ZMYM2: variants seen among roughly 807,000 people sequenced by gnomAD.
The protein encoded by ZMYM2 is zinc finger MYM-type containing 2.
ZMYM2 carries 56 observed loss-of-function variants against 162.8 expected under a neutral mutation model. That is an observed-to-expected ratio of 0.34 (90% CI 0.28 to 0.43). ZMYM2 has a LOEUF of 0.43. Among genes scored for constraint, ZMYM2 ranks in the 20% least tolerant of loss-of-function variants. ZMYM2 has a pLI of 1.00. For synonymous variants in ZMYM2, 510 were observed against 541.6 expected (o/e 0.94, Z 0.81); for missense variants, 1,275 against 1,621.8 (o/e 0.79, Z 3.67).
In ZMYM2 at chr13:19,971,153, G is replaced by T. The variant is rs1228695877; in HGVS notation, c.-11+11127G>T. Reference sequence around the variant, plus strand: ...ATACAGGTAAGGGGAAGAATTGTAGGCTTTCTCCTAAGTATACTGAAAAGC... The same window carrying T: ...ATACAGGTAAGGGGAAGAATTGTAGTCTTTCTCCTAAGTATACTGAAAAGC... On this transcript the variant is annotated intron_variant, in intron 2 of 24. Coordinates refer to ENST00000610343, the MANE Select transcript of ZMYM2 (RefSeq NM_197968.4). Among the ~76,000 whole-genome samples, 7 of 150,382 alleles carry T rather than the reference G, an allele frequency of 4.7e-5. No homozygotes were observed. The East Asian group carries it at 1.4e-3, about 30-fold the overall frequency.
At chr13:19,949,791 G>A in the ZMYM2 span, among the ~76,000 whole-genome samples, 2 of 145,406 alleles carry the variant, frequency 1.4e-5, no homozygotes, top group Non-Finnish European at 3.0e-5. Flanking sequence ...GGAGGCTGAG[G>A]CAGAAGACTC....
At chr13:19,991,008 T>A (rs1271162433) in intron 2 of ZMYM2, among the ~76,000 whole-genome samples, 1 of 151,876 alleles carries the variant, frequency 6.6e-6, no homozygotes, top group East Asian at 1.9e-4. Flanking sequence ...ATCTGTCTCA[T>A]CTCCATTTGC....
At chr13:20,012,238 C>T (rs908826442) in intron 6 of ZMYM2, among the ~76,000 whole-genome samples, 1 of 151,918 alleles carries the variant, frequency 6.6e-6, no homozygotes, top group African/African-American at 2.4e-5. Flanking sequence ...TGCGGTAGTG[C>T]GATCTCAGCT....
At chr13:20,032,792 A>G (rs1953315882) in intron 10 of ZMYM2, among the ~76,000 whole-genome samples, 1 of 151,586 alleles carries the variant, frequency 6.6e-6, no homozygotes, top group Middle Eastern at 3.2e-3. Context: ...TATTTTTAGT[A>G]GAGATGGGGT....
At chr13:19,975,604 C>T (rs143408614) in intron 2 of ZMYM2, among the ~76,000 whole-genome samples, 82 of 152,210 alleles carry the variant, frequency 5.4e-4, no homozygotes, top group African/African-American at 1.8e-3. Context: ...ACCTTTTGGC[C>T]GTTGTGAAAA....
chr13:19,956,535 G>A (rs1351109936), upstream of ZMYM2, among the ~76,000 whole-genome samples: 1 of 152,128 alleles, frequency 6.6e-6, no homozygotes, highest in African/African-American at 2.4e-5. Flanking sequence ...AATTCTCAAC[G>A]AAAAATTCTC....
chr13:19,899,836 A>AAAAAAAAAAAAG, the ZMYM2 span, among the ~76,000 whole-genome samples: 2 of 120,836 alleles, frequency 1.7e-5, no homozygotes, highest in African/African-American at 6.0e-5. Context: ...AAAAAAAAAA[A>AAAAAAAAAAAAG]AAGGAAAACA....
chr13:19,946,107 G>A, the ZMYM2 span, among the ~76,000 whole-genome samples: 15 of 152,170 alleles, frequency 9.9e-5, no homozygotes, highest in Admixed American at 2.0e-4. Flanking sequence ...CCTATTTGAG[G>A]CTACCAATGT....
intron 10 of ZMYM2, among the ~76,000 whole-genome samples, chr13:20,033,447 C>T (rs1005929084): frequency 1.9e-4 from 29 of 152,112 alleles, no homozygotes; most frequent in African/African-American, 6.5e-4. Flanking sequence ...TGCCTTCCTC[C>T]TTCTATAAAT....
the ZMYM2 span, among the ~76,000 whole-genome samples, chr13:19,892,573 C>G: frequency 6.6e-6 from 1 of 151,666 alleles, no homozygotes; most frequent in Non-Finnish European, 1.5e-5. Flanking sequence ...CCGCGCCTGT[C>G]CCACTAATGA....
intron 7 of ZMYM2, chr13:20,025,769 A>G (rs1952527665): frequency 6.6e-6 from 1 of 152,274 alleles, no homozygotes; most frequent in Admixed American, 6.5e-5. Context: ...AACAAACCTA[A>G]ATGGTATAGC....
chr13:19,962,515 A>ATATTTTT (rs1371972440), intron 2 of ZMYM2, among the ~76,000 whole-genome samples: 2 of 38,916 alleles, frequency 5.1e-5, no homozygotes, highest in African/African-American at 6.4e-5. Flanking sequence ...ATATATATAT[A>ATATTTTT]TTTTTTTTTT....
the ZMYM2 span, among the ~76,000 whole-genome samples, chr13:19,923,663 CTTTTTTTTTTTT>C: frequency 1.4e-5 from 1 of 72,066 alleles, no homozygotes; most frequent in Non-Finnish European, 2.5e-5. Flanking sequence ...CCTGTAGGGA[CTTTTTTTTTTTT>C]TTTTTTTTTT....
At chr13:20,001,193 A>G (rs1354421955) in intron 3 of ZMYM2, among the ~76,000 whole-genome samples, 1 of 152,128 alleles carries the variant, frequency 6.6e-6, no homozygotes, top group Non-Finnish European at 1.5e-5. Context: ...GGAGTTCAAG[A>G]CCAGCCTGGC....
At chr13:19,961,956 A>G (rs577197853) in intron 2 of ZMYM2, among the ~76,000 whole-genome samples, 9 of 152,316 alleles carry the variant, frequency 5.9e-5, no homozygotes, top group African/African-American at 2.2e-4. Context: ...AATACTTTGC[A>G]TATTTATGGC....
the ZMYM2 span, among the ~76,000 whole-genome samples, chr13:19,947,435 GCTT>G: frequency 3.4e-5 from 5 of 145,798 alleles, no homozygotes; most frequent in Non-Finnish European, 6.0e-5. Context: ...GTTATGTATC[GCTT>G]CTTCTTCTTC....
At chr13:19,894,242 C>T in the ZMYM2 span, among the ~76,000 whole-genome samples, 1 of 151,872 alleles carries the variant, frequency 6.6e-6, no homozygotes, top group South Asian at 2.1e-4. Context: ...AACATCATAG[C>T]TTTACCTAGC....
At chr13:20,025,397 C>G (rs974018445) in intron 7 of ZMYM2, 3 of 181,862 alleles carry the variant, frequency 1.6e-5, no homozygotes, top group African/African-American at 2.4e-5. Flanking sequence ...GTTTTTATTT[C>G]TACCTTTTTT....
chr13:19,888,310 C>T, the ZMYM2 span, among the ~76,000 whole-genome samples: 1 of 151,724 alleles, frequency 6.6e-6, no homozygotes, highest in African/African-American at 2.4e-5. Flanking sequence ...CATGTCAGCC[C>T]CCAAGTAGCT....
Sources: gnomAD v4.1 joint callset for allele counts (sites outside exome capture counted in the v4.1 genomes callset) on GRCh38, gnomAD v4.1.1 for gene constraint, MANE v1.5 for transcripts, NCBI Gene and HGNC (gene_info 2026-07-23, HGNC 2026-07-21) for gene names.